HFM1: variants seen among roughly 807,000 people sequenced by gnomAD.
HFM1 encodes probable ATP-dependent DNA helicase HFM1.
HFM1 carries 169 observed loss-of-function variants against 192.1 expected under a neutral mutation model. The observed-to-expected ratio is 0.88, with a 90% CI of 0.78 to 1.00. The LOEUF is 1.00. Ranked by LOEUF, HFM1 falls within the 50% of genes least tolerant of loss-of-function variation. HFM1 has a pLI of 0.00. For synonymous variants in HFM1, 525 were observed against 537.8 expected (o/e 0.98, Z 0.33); for missense variants, 1,661 against 1,668.0 (o/e 1.00, Z 0.07).
At chr1:91,287,270 C>CT (rs1668105005) in intron 30 of HFM1, among the ~76,000 whole-genome samples, 2 of 152,210 alleles carry the variant, frequency 1.3e-5, no homozygotes, top group Admixed American at 1.3e-4. Flanking sequence ...TGTCTGACAG[C>CT]TTTGAAGAGA....
chr1:91,266,033 T>G lies in HFM1; in HGVS notation c.3958A>C (p.Arg1320=), dbSNP rs759691210. The G allele has an allele frequency of 1.3e-5, 20 of 1,584,688 alleles. No individual in the cohort carries two copies. The African/African-American group carries it at 2.8e-4, about 22-fold the overall frequency. ...PLQESKSKFQ[R]EMSNSFVSSH... ...AAAACTTGCCTGTTTGACATTTCTC[T>G]TTGGAATTTGCTCTTTGACTCTTGA... is the stretch of plus-strand genomic sequence containing the variant. The change falls in exon 36 of 39, where the codon AGA becomes CGA. Residue 1320 remains arginine, a synonymous_variant. Coordinates refer to ENST00000370425, the MANE Select transcript of HFM1 (RefSeq NM_001017975.6).
chr1:91,287,999 A>T (rs1214346350), intron 30 of HFM1, among the ~76,000 whole-genome samples: 2 of 151,998 alleles, frequency 1.3e-5, no homozygotes, highest in Non-Finnish European at 2.9e-5. Flanking sequence ...GCCTCCAAGA[A>T]ATATGGGACT....
intron 13 of HFM1, among the ~76,000 whole-genome samples, chr1:91,358,759 ACAGT>A (rs1275913690): frequency 3.3e-5 from 5 of 152,312 alleles, no homozygotes; most frequent in Admixed American, 2.0e-4. Context: ...TACCAAAAAA[ACAGT>A]CAGACTGTTT....
At chr1:91,346,985 G>A (rs1002794102) in intron 19 of HFM1, among the ~76,000 whole-genome samples, 2 of 152,022 alleles carry the variant, frequency 1.3e-5, no homozygotes, top group Admixed American at 1.3e-4. Flanking sequence ...AACCAGTTGT[G>A]GTGGCTCACG....
chr1:91,275,638 TC>T (rs1309932036), intron 32 of HFM1, among the ~76,000 whole-genome samples: 1 of 152,178 alleles, frequency 6.6e-6, no homozygotes, highest in African/African-American at 2.4e-5. Context: ...TTTTGACTGT[TC>T]CTTCTATTTT....
intron 13 of HFM1, among the ~76,000 whole-genome samples, chr1:91,369,665 A>G (rs1235003393): frequency 6.6e-6 from 1 of 152,196 alleles, no homozygotes; most frequent in African/African-American, 2.4e-5. Flanking sequence ...ACACCCTAAC[A>G]TCACAATTAA....
At chr1:91,277,177 T>C in intron 30 of HFM1, 115 bp from the exon 31 acceptor site, 1 of 552,404 alleles carries the variant, frequency 1.8e-6, no homozygotes, top group East Asian at 3.5e-5. Context: ...AATATTGATT[T>C]TTATACTTTC....
At chr1:91,300,822 A>T (rs2101032177) in intron 30 of HFM1, among the ~76,000 whole-genome samples, 1 of 152,306 alleles carries the variant, frequency 6.6e-6, no homozygotes. Flanking sequence ...ACCCACAGCC[A>T]ATATCATACT....
chr1:91,326,747 A>C (rs778455012), intron 20 of HFM1, among the ~76,000 whole-genome samples: 3 of 146,164 alleles, frequency 2.1e-5, no homozygotes, highest in Non-Finnish European at 3.0e-5. Flanking sequence ...TGTGGTGTGT[A>C]AACTTCTCTT....
At chr1:91,277,630 TA>T (rs1666975464) in intron 30 of HFM1, among the ~76,000 whole-genome samples, 1 of 129,232 alleles carries the variant, frequency 7.7e-6, no homozygotes, top group Admixed American at 9.6e-5. Flanking sequence ...CTAATATATA[TA>T]ATATATACTA....
chr1:91,395,056 TTAA>T (rs1412426540), intron 3 of HFM1, among the ~76,000 whole-genome samples: 2 of 151,924 alleles, frequency 1.3e-5, no homozygotes, highest in African/African-American at 4.8e-5. Context: ...ATTACAAAGC[TTAA>T]TAATAAAATG....
chr1:91,279,811 C>T (rs1348292511), intron 30 of HFM1, among the ~76,000 whole-genome samples: 1 of 152,068 alleles, frequency 6.6e-6, no homozygotes, highest in Non-Finnish European at 1.5e-5. Context: ...CTCCTTTGGG[C>T]CCCTGTGGCA....
chr1:91,385,517 G>A (rs1662088067), intron 5 of HFM1, 58 bp downstream of exon 5: 1 of 1,366,678 alleles, frequency 7.3e-7, no homozygotes, highest in African/African-American at 1.5e-5. Context: ...TTTCCCCCAT[G>A]CTAAGAAATG....
chr1:91,265,520 T>C (rs1402430782), intron 36 of HFM1, among the ~76,000 whole-genome samples: 1 of 148,512 alleles, frequency 6.7e-6, no homozygotes, highest in Non-Finnish European at 1.5e-5. Flanking sequence ...GCGACCCGAC[T>C]GGGTACAGGA....
At chr1:91,381,872 G>A (rs1444335640) in intron 6 of HFM1, among the ~76,000 whole-genome samples, 3 of 152,058 alleles carry the variant, frequency 2.0e-5, no homozygotes, top group Non-Finnish European at 4.4e-5. Context: ...AAGAACTGAT[G>A]GATTGCTGTA....
At chr1:91,290,963 A>C (rs1198206350) in intron 30 of HFM1, among the ~76,000 whole-genome samples, 1 of 152,220 alleles carries the variant, frequency 6.6e-6, no homozygotes, top group Non-Finnish European at 1.5e-5. Flanking sequence ...TGGGTACATA[A>C]CGAAATGAAG....
At chr1:91,331,162 C>T (rs958577473) in intron 20 of HFM1, among the ~76,000 whole-genome samples, 6 of 152,132 alleles carry the variant, frequency 3.9e-5, no homozygotes, top group Admixed American at 1.3e-4. Flanking sequence ...AAAGGACATT[C>T]GCTTGGAAAG....
At chr1:91,338,081 G>A (rs1284014431) in intron 20 of HFM1, among the ~76,000 whole-genome samples, 1 of 152,164 alleles carries the variant, frequency 6.6e-6, no homozygotes, top group East Asian at 1.9e-4. Context: ...TGGCTCCTGG[G>A]GAAGGGTGAG....
At chr1:91,392,310 C>A (rs1390583756) in intron 4 of HFM1, among the ~76,000 whole-genome samples, 1 of 152,146 alleles carries the variant, frequency 6.6e-6, no homozygotes, top group Non-Finnish European at 1.5e-5. Context: ...ATGTTTATTG[C>A]GGCACTATTC....
Sources: allele counts gnomAD v4.1 joint callset (sites outside exome capture counted in the v4.1 genomes callset), GRCh38; gene constraint gnomAD v4.1.1; transcripts MANE v1.5; gene names NCBI Gene and HGNC (gene_info 2026-07-23, HGNC 2026-07-21).